The following TUT7 variants were observed in gnomAD, a reference collection of about 807,000 sequenced individuals.
TUT7 encodes the protein terminal uridylyltransferase 7.
In TUT7, 33 loss-of-function variants were observed where a neutral mutation model predicts 165.9. The ratio of observed to expected loss-of-function variants is 0.20; its 90% CI spans 0.15 to 0.27. The LOEUF (loss-of-function observed/expected upper bound fraction) is 0.27. TUT7 is among the 10% of genes least tolerant of loss of function. The pLI is 1.00. For synonymous variants in TUT7, 552 were observed against 608.1 expected (o/e 0.91, Z 1.36); for missense variants, 1,338 against 1,762.3 (o/e 0.76, Z 4.31).
Position 86,338,804 on chromosome 9 carries a change from A to T in TUT7, c.1335+19T>A, listed in dbSNP as rs373661227. The T allele has an allele frequency of 1.1e-5, 17 of 1,584,376 alleles. No homozygotes were observed. The African/African-American group carries it at 2.2e-4, about 20-fold the overall frequency. Reference sequence around the variant, plus strand: ...ATACATATGTAGAATGTATTCATGCATAAAGACCTCAAGCCTACCTTTGCC... The same window carrying T: ...ATACATATGTAGAATGTATTCATGCTTAAAGACCTCAAGCCTACCTTTGCC... On this transcript the variant is annotated intron_variant, in intron 9 of 26. Coordinates refer to ENST00000375963, the MANE Select transcript of TUT7 (RefSeq NM_024617.4).
chr9:86,350,753 T>C lies in TUT7; in HGVS notation c.520+1927A>G, dbSNP rs147931984. ...TTCTAGCTTAAAGATTTAAGTTTTA[T>C]GTCTCCCTACTACTTAACGCCTTTA... On this transcript the variant is annotated intron_variant, in intron 2 of 26. Coordinates refer to ENST00000375963, the MANE Select transcript of TUT7 (RefSeq NM_024617.4). Among the ~76,000 whole-genome samples the C allele has an allele frequency of 3.6e-3, 549 of 152,388 alleles. 3 individuals carry two copies. The highest frequency in any genetic ancestry group is 0.013 in the African/African-American group (529 of 41,600).
chr9:86,321,933 A>T (rs534537916), intron 14 of TUT7, among the ~76,000 whole-genome samples: 55 of 152,112 alleles, frequency 3.6e-4, no homozygotes, highest in Non-Finnish European at 7.4e-4. Context: ...AAATTTAGTC[A>T]GGCATAGTGG....
rs183807627 is a variant in TUT7 at position 86,329,571 on chromosome 9, C to T, written c.1456-1079G>A. 3.3e-5 allele frequency among the ~76,000 whole-genome samples: 5 copies of T among 151,166 alleles called. No homozygotes were observed. In the East Asian group the frequency reaches 9.7e-4, roughly 29 times the overall value. On this transcript the variant is annotated intron_variant, in intron 10 of 26. Coordinates refer to ENST00000375963, the MANE Select transcript of TUT7 (RefSeq NM_024617.4). ...AAACAAACAAAAACAGGTTAATGAA[C>T]AAAATAATATGGGATGGAGTATGGA...
intron 17 of TUT7, among the ~76,000 whole-genome samples, chr9:86,315,551 A>G (rs1684121321): frequency 6.6e-6 from 1 of 152,224 alleles, no homozygotes; most frequent in Admixed American, 6.5e-5. Context: ...GTGAAATTAA[A>G]TTATTTCAAA....
intron 21 of TUT7, 78 bp downstream of exon 21, chr9:86,309,131 ATAG>A: frequency 1.2e-6 from 1 of 805,340 alleles, no homozygotes; most frequent in Non-Finnish European, 2.1e-6. Flanking sequence ...AAGCAATAAA[ATAG>A]TTGTTGAACA....
At position 86,290,044 on chromosome 9, in the gene TUT7, T is replaced by C. The variant is rs186691519; in HGVS notation, c.4421-1300A>G. On this transcript the variant is annotated intron_variant, in intron 26 of 26. Coordinates refer to ENST00000375963, the MANE Select transcript of TUT7 (RefSeq NM_024617.4). ...AAATATACCCCACCAATCATGTATT[T>C]GGTGCCTCATTTTCTTTATCTGTAA... Among the ~76,000 whole-genome samples the C allele has an allele frequency of 4.6e-5, 7 of 152,314 alleles. No individual in the cohort carries two copies. The East Asian group carries it at 1.4e-3, about 29-fold the overall frequency.
intron 13 of TUT7, 126 bp downstream of exon 13, chr9:86,322,747 G>A (rs1829430860): frequency 8.6e-7 from 1 of 1,163,030 alleles, no homozygotes; most frequent in East Asian, 2.6e-5. Context: ...AGTCATATCA[G>A]AATGAAAGGC....
intron 10 of TUT7, among the ~76,000 whole-genome samples, chr9:86,331,882 T>C (rs1830347514): frequency 6.6e-6 from 1 of 152,146 alleles, no homozygotes; most frequent in African/African-American, 2.4e-5. Context: ...ATCCAGCATC[T>C]ATAAAGAACT....
intron 22 of TUT7, among the ~76,000 whole-genome samples, chr9:86,305,817 C>T (rs539350760): frequency 1.1e-3 from 162 of 152,130 alleles, no homozygotes; most frequent in African/African-American, 3.8e-3. Context: ...TCTTGGGATA[C>T]AATTTCTAGT....
chr9:86,338,315 G>A (rs1047863764), intron 9 of TUT7, among the ~76,000 whole-genome samples: 4 of 151,208 alleles, frequency 2.6e-5, no homozygotes, highest in South Asian at 2.1e-4. Flanking sequence ...AGGTTCAAGC[G>A]ACAGAATCTC....
In TUT7 at chr9:86,288,639, G is replaced by A. The variant is rs769835060; in HGVS notation, c.*38C>T. The A allele has an allele frequency of 1.7e-5, 26 of 1,543,198 alleles. No individual in the cohort carries two copies. Among genetic ancestry groups the A allele is most frequent in the Admixed American group, 1.5e-4 (9 of 59,702 alleles). ...CCTAATTTTCCGAGTGAATAGGAAC[G>A]CCTGAGTGGCCATTTAGAGTGCTGC... On this transcript the variant is annotated 3_prime_UTR_variant, in exon 27 of 27. Transcript: ENST00000375963.
intron 26 of TUT7, among the ~76,000 whole-genome samples, chr9:86,294,182 C>G (rs1361042498): frequency 1.3e-5 from 2 of 149,508 alleles, no homozygotes; most frequent in Non-Finnish European, 3.0e-5. Context: ...CCTGTCCTTT[C>G]TAATTCCCCT....
intron 6 of TUT7, 70 bp downstream of exon 6, chr9:86,343,005 G>T: frequency 1.0e-6 from 1 of 1,003,526 alleles, no homozygotes; most frequent in Admixed American, 2.0e-5. Flanking sequence ...TATATTCATA[G>T]ACAGTTTACA....
At position 86,323,693 on chromosome 9, in the gene TUT7, G is replaced by A; in HGVS notation, c.2057C>T (p.Ala686Val). 6.2e-7 allele frequency: 1 copy of A among 1,614,128 alleles called. No individual in the cohort carries two copies. The highest frequency in any genetic ancestry group is 1.7e-5 in the Admixed American group (1 of 60,020). Residue 686 changes from alanine to valine, a missense_variant, in exon 13 of 27, where the codon GCT (alanine) becomes GTT (valine). Around this residue, in one of 7 missense-constraint regions of TUT7, gnomAD observed 425 missense variants for 474.9 expected, o/e 0.89. Coordinates refer to ENST00000375963, the MANE Select transcript of TUT7 (RefSeq NM_024617.4). ...LAQGPGATSSAANTCKVQPLT... is the reference protein window; with the variant it reads ...LAQGPGATSSVANTCKVQPLT... The stretch of plus-strand genomic sequence containing the variant: ...TGGCTGTACCTTACAGGTATTTGCA[G>A]CTGAACTGGTAGCACCAGGACCTTG...
Position 86,311,461 on chromosome 9 carries a change from C to T in TUT7, c.3275-652G>A, listed in dbSNP as rs929883680. Among the ~76,000 whole-genome samples, 4 of 151,994 alleles carry T rather than the reference C, an allele frequency of 2.6e-5. No individual in the cohort carries two copies. The highest frequency in any genetic ancestry group is 7.3e-5 in the African/African-American group (3 of 41,378). On this transcript the variant is annotated intron_variant, in intron 17 of 26. Transcript: ENST00000375963. The surrounding 1 kb of genome is among the most constrained non-coding windows in gnomAD (Gnocchi z 4.4). ...AGTTCCAGAGAATTGCATAGGTTGC[C>T]GAATGAACTTGAGGGAATGGAATAT...
chr9:86,309,777 C>T, intron 19 of TUT7, 151 bp downstream of exon 19: 1 of 914,458 alleles, frequency 1.1e-6, no homozygotes, highest in Non-Finnish European at 1.6e-6. Flanking sequence ...AAATTCAGAA[C>T]AAAATTTTAG....
At chr9:86,349,402 T>C (rs1405948826) in intron 2 of TUT7, among the ~76,000 whole-genome samples, 3 of 152,234 alleles carry the variant, frequency 2.0e-5, no homozygotes, top group African/African-American at 7.2e-5. Flanking sequence ...CATATTTTAT[T>C]TGCATATGGT....
rs57694970 is a variant in TUT7 at position 86,307,542 on chromosome 9, T to C, written c.3838+887A>G. 4.9e-3 allele frequency among the ~76,000 whole-genome samples: 753 copies of C among 152,316 alleles called. 7 individuals are homozygous for C. The highest frequency in any genetic ancestry group is 0.017 in the African/African-American group (703 of 41,562). ...ATACAAACATATTAAAAGATAAACA[T>C]TTAAAAATCTTATTAAAATTAAAAA... is the stretch of plus-strand genomic sequence containing the variant. On this transcript the variant is annotated intron_variant, in intron 22 of 26. Coordinates refer to ENST00000375963, the MANE Select transcript of TUT7 (RefSeq NM_024617.4).
intron 5 of TUT7, chr9:86,344,729 C>T: frequency 4.4e-6 from 2 of 457,610 alleles, no homozygotes; most frequent in Admixed American, 4.2e-5. Context: ...CCCAATAATG[C>T]AGGGCATTCA....
Sources: allele counts gnomAD v4.1 joint callset (sites outside exome capture counted in the v4.1 genomes callset), GRCh38; gene constraint gnomAD v4.1.1; regional missense constraint gnomAD v4.1.1; non-coding constraint Gnocchi (gnomAD v3.1); transcripts MANE v1.5; gene names NCBI Gene and HGNC (gene_info 2026-07-23, HGNC 2026-07-21).